The following PTPRK variants were observed in gnomAD, a reference collection of about 807,000 sequenced individuals.
PTPRK encodes the protein protein tyrosine phosphatase receptor type K.
PTPRK carries 75 observed loss-of-function variants against 178.0 expected under a neutral mutation model. The observed-to-expected ratio is 0.42, with a 90% CI of 0.35 to 0.51. The LOEUF (loss-of-function observed/expected upper bound fraction) is 0.51, where lower values mean the gene tolerates loss of function less well. Among genes scored for constraint, PTPRK ranks in the 20% least tolerant of loss-of-function variants. The pLI, the probability that PTPRK is intolerant of heterozygous loss-of-function variation, is 0.02. For synonymous variants in PTPRK, 637 were observed against 620.6 expected (o/e 1.03, Z -0.39); for missense variants, 1,441 against 1,797.8 (o/e 0.80, Z 3.59).
At chr6:128,306,842 A>C (rs1826458238) in intron 3 of PTPRK, among the ~76,000 whole-genome samples, 1 of 152,118 alleles carries the variant, frequency 6.6e-6, no homozygotes, top group Non-Finnish European at 1.5e-5. Flanking sequence ...CTTTAGAAAA[A>C]TTAATACTAA....
At chr6:128,486,575 T>C (rs888345323) in intron 1 of PTPRK, among the ~76,000 whole-genome samples, 3 of 152,092 alleles carry the variant, frequency 2.0e-5, no homozygotes, top group Admixed American at 6.6e-5. Context: ...AGGCCAAGAC[T>C]GAAGGATTGC....
At chr6:128,398,171 T>C (rs1300589506) in intron 1 of PTPRK, among the ~76,000 whole-genome samples, 1 of 152,170 alleles carries the variant, frequency 6.6e-6, no homozygotes, top group Non-Finnish European at 1.5e-5. Flanking sequence ...CAGTACGGAA[T>C]CTTCTCAGGT....
rs989756314 is a variant in PTPRK, at chr6:127,981,397, C to T, written c.3538-108G>A. ...CCAAGTAGAAAGTGAAGGATTTGTG[C>T]GAGGCAATGGCATTTGCTACTATGA... On this transcript the variant is annotated intron_variant, in intron 24 of 29. Coordinates refer to ENST00000368226, the MANE Select transcript of PTPRK (RefSeq NM_002844.4). 32 of 935,166 alleles carry T rather than the reference C, an allele frequency of 3.4e-5. No homozygotes were observed. The African/African-American group carries it at 3.7e-4, about 11-fold the overall frequency. 57.9% of individuals were successfully genotyped at this position (935,166 alleles called of 1,614,324 possible).
chr6:128,264,452 G>T (rs1316756689), intron 3 of PTPRK, among the ~76,000 whole-genome samples: 2 of 151,998 alleles, frequency 1.3e-5, no homozygotes, highest in Non-Finnish European at 2.9e-5. Context: ...ATTTACTTTG[G>T]ATAGGTCTTT....
At chr6:127,982,426 C>T (rs1444576134) in intron 24 of PTPRK, among the ~76,000 whole-genome samples, 3 of 152,192 alleles carry the variant, frequency 2.0e-5, no homozygotes, top group Admixed American at 6.5e-5. Context: ...GCACCCGCCA[C>T]CATGCCTGGC....
chr6:127,974,439 T>C (rs1774285200), intron 27 of PTPRK, among the ~76,000 whole-genome samples: 1 of 152,186 alleles, frequency 6.6e-6, no homozygotes, highest in Non-Finnish European at 1.5e-5. Flanking sequence ...ACCCTTTGCC[T>C]TGAATACTTC....
At chr6:128,021,645 AAAAG>A (rs148204036) in intron 13 of PTPRK, among the ~76,000 whole-genome samples, 1,533 of 152,290 alleles carry the variant, frequency 0.01, 39 homozygotes, top group African/African-American at 0.035. Flanking sequence ...GTCTCAAAAA[AAAAG>A]AAAGAAAGTT....
chr6:128,344,173 T>A (rs1832078705), intron 2 of PTPRK, among the ~76,000 whole-genome samples: 1 of 152,140 alleles, frequency 6.6e-6, no homozygotes, highest in African/African-American at 2.4e-5. Flanking sequence ...GAAGCTAAAC[T>A]TCCTCACATG....
intron 5 of PTPRK, among the ~76,000 whole-genome samples, chr6:128,226,651 T>A (rs1282792927): frequency 6.6e-6 from 1 of 150,564 alleles, no homozygotes; most frequent in South Asian, 2.1e-4. Flanking sequence ...CCCTACAGAC[T>A]TCAGACTTGC....
At chr6:128,429,196 C>A (rs1844525164) in intron 1 of PTPRK, among the ~76,000 whole-genome samples, 1 of 152,176 alleles carries the variant, frequency 6.6e-6, no homozygotes. Context: ...GGGACAGGAA[C>A]ACATGACCGT....
chr6:128,301,389 G>A (rs968785899), intron 3 of PTPRK, among the ~76,000 whole-genome samples: 14 of 151,634 alleles, frequency 9.2e-5, no homozygotes, highest in African/African-American at 3.4e-4. Context: ...AAAATAATAG[G>A]TAAAAGTATG....
chr6:128,034,869 T>C (rs1775945613), intron 13 of PTPRK, among the ~76,000 whole-genome samples: 1 of 152,198 alleles, frequency 6.6e-6, no homozygotes, highest in Non-Finnish European at 1.5e-5. Context: ...GTGAAAAATC[T>C]GTTAAAGATA....
chr6:128,439,020 T>C (rs1364316609), intron 1 of PTPRK, among the ~76,000 whole-genome samples: 1 of 152,164 alleles, frequency 6.6e-6, no homozygotes, highest in African/African-American at 2.4e-5. Flanking sequence ...AGTGGAATAA[T>C]ACCAGGGAAA....
chr6:128,083,410 T>A (rs191638996), intron 9 of PTPRK, among the ~76,000 whole-genome samples: 54 of 152,138 alleles, frequency 3.5e-4, no homozygotes, highest in African/African-American at 1.3e-3. Flanking sequence ...GAGGGTTTTT[T>A]AATATGTGAT....
intron 13 of PTPRK, among the ~76,000 whole-genome samples, chr6:128,064,119 T>C (rs1185476644): frequency 1.3e-5 from 2 of 152,180 alleles, no homozygotes; most frequent in Non-Finnish European, 2.9e-5. Context: ...ACACAGAGAA[T>C]GTAGGAGACT....
intron 15 of PTPRK, among the ~76,000 whole-genome samples, chr6:127,999,662 C>A (rs925835261): frequency 6.6e-6 from 1 of 152,032 alleles, no homozygotes; most frequent in South Asian, 2.1e-4. Flanking sequence ...AAAGCTCCTT[C>A]TTTATGTTCC....
chr6:128,119,280 T>A (rs868778777), intron 7 of PTPRK, among the ~76,000 whole-genome samples: 10 of 151,752 alleles, frequency 6.6e-5, no homozygotes, highest in African/African-American at 1.2e-4. Flanking sequence ...GTTTTTTTTT[T>A]AAATTTACAT....
chr6:128,343,821 C>G (rs1033778850), intron 2 of PTPRK, among the ~76,000 whole-genome samples: 1 of 152,160 alleles, frequency 6.6e-6, no homozygotes, highest in Admixed American at 6.6e-5. Flanking sequence ...TTATATCTCC[C>G]AAGTCCAGCT....
At chr6:128,192,693 G>A (rs1252997218) in intron 6 of PTPRK, among the ~76,000 whole-genome samples, 1 of 151,918 alleles carries the variant, frequency 6.6e-6, no homozygotes, top group Non-Finnish European at 1.5e-5. Context: ...GGTGGCAGCT[G>A]TGGTCCCAGC....
Sources: allele counts gnomAD v4.1 joint callset (sites outside exome capture counted in the v4.1 genomes callset), GRCh38; gene constraint gnomAD v4.1.1; transcripts MANE v1.5; gene names NCBI Gene and HGNC (gene_info 2026-07-23, HGNC 2026-07-21).